Variants in SNX31 observed in about 807,000 individuals in gnomAD.
SNX31 encodes the protein sorting nexin-31.
A neutral mutation model predicts 65.4 loss-of-function variants in SNX31; 58 were observed. The observed-to-expected ratio is 0.89, with a 90% confidence interval of 0.72 to 1.10. SNX31 has a LOEUF of 1.10. SNX31 is among the 50% of genes least tolerant of loss of function. SNX31 has a pLI of 0.00. For missense variants in SNX31, 523 were observed against 529.7 expected, an observed-to-expected ratio of 0.99 and a Z score of 0.12; for synonymous variants, 181 against 190.1, an observed-to-expected ratio of 0.95 and a Z score of 0.39.
rs952222975 is a variant in SNX31, at chr8:100,576,842, C to A, written c.1227+177G>T. ...TTCTTGGTAGTGCTATGGGGTGCTA[C>A]AATAAAAATACTATACTTCTGTGAT... On this transcript the variant is annotated intron_variant, in intron 13 of 13. Coordinates refer to ENST00000311812, the MANE Select transcript of SNX31 (RefSeq NM_152628.4). The surrounding 1 kb of genome is among the most constrained non-coding windows in gnomAD (Gnocchi z 4.8). Among the ~76,000 whole-genome samples, 2 of 152,094 alleles carry A rather than the reference C, an allele frequency of 1.3e-5. No homozygotes were observed. The highest frequency in any genetic ancestry group is 2.9e-5 in the Non-Finnish European group (2 of 68,028).
rs1254792204 is a variant in SNX31, at chr8:100,613,728, G to A, written c.433-643C>T. ...AACAGCTTTCATTTCAACGCCAGTG[G>A]CTTCATTTTTACCATCAGCCTACCA... On this transcript the variant is annotated intron_variant, in intron 5 of 13. Coordinates refer to ENST00000311812, the MANE Select transcript of SNX31 (RefSeq NM_152628.4). This position sits in a 1 kb window ranked among gnomAD's most constrained non-coding sequence, Gnocchi z 5.2. Among the ~76,000 whole-genome samples the A allele has an allele frequency of 4.6e-5, 7 of 152,134 alleles. No homozygotes were observed. The highest frequency in any genetic ancestry group is 1.0e-4 in the Non-Finnish European group (7 of 68,026).
chr8:100,660,478 G>A lies in SNX31; in HGVS notation c.-58+2664C>T, dbSNP rs1587117171. On this transcript the variant is annotated intron_variant, in intron 1 of 5. Transcript: ENST00000520352. The surrounding 1 kb of genome is among the most constrained non-coding windows in gnomAD (Gnocchi z 4.1). The stretch of plus-strand genomic sequence containing the variant: ...TAAAGACAATGTTTTACCCATGCCC[G>A]CAGGCTCTTCAGAGTGATACTAAAT... 6.6e-6 allele frequency among the ~76,000 whole-genome samples: 1 copy of A among 152,140 alleles called. No individual in the cohort carries two copies.
chr8:100,602,139 T>C (rs974066210), intron 8 of SNX31, among the ~76,000 whole-genome samples: 7 of 152,240 alleles, frequency 4.6e-5, no homozygotes, highest in African/African-American at 1.4e-4. Context: ...CCCAGTGTCT[T>C]ACATATGGCA....
At chr8:100,586,194 T>G (rs1001284543) in intron 11 of SNX31, among the ~76,000 whole-genome samples, 4 of 152,202 alleles carry the variant, frequency 2.6e-5, no homozygotes, top group African/African-American at 9.7e-5. Flanking sequence ...TTGCTGGGAT[T>G]ACAGGCATGA....
Position 100,612,129 on chromosome 8 carries a change from C to G in SNX31, c.524-42G>C, listed in dbSNP as rs767668254. 3 of 1,319,946 alleles carry G rather than the reference C, an allele frequency of 2.3e-6. No homozygotes were observed. Among genetic ancestry groups the G allele is most frequent in the Non-Finnish European group, 3.3e-6 (3 of 914,724 alleles). The allele number at this position is 1,319,946 out of a possible 1,614,324, so 81.8% of individuals were successfully genotyped here. A position where few individuals can be genotyped will look rare whatever the true frequency, so the allele number is the denominator to read the frequency against. On this transcript the variant is annotated intron_variant, in intron 6 of 13. Coordinates refer to ENST00000311812, the MANE Select transcript of SNX31 (RefSeq NM_152628.4). The surrounding 1 kb of genome is among the most constrained non-coding windows in gnomAD (Gnocchi z 4.3). The stretch of plus-strand genomic sequence containing the variant: ...GCCGGTCTTACTGGTTGAAACAGCA[C>G]AGACAGCTTATATATAGCAGCTTTC...
chr8:100,654,755 G>A (rs1820030150), intron 1 of SNX31, among the ~76,000 whole-genome samples: 1 of 152,236 alleles, frequency 6.6e-6, no homozygotes, highest in African/African-American at 2.4e-5. Flanking sequence ...GCTCTCACCT[G>A]TAATCCCAGC....
chr8:100,615,831 G>A (rs1260190197), intron 5 of SNX31, among the ~76,000 whole-genome samples: 4 of 152,082 alleles, frequency 2.6e-5, no homozygotes, highest in East Asian at 1.9e-4. Context: ...GTGCAGTGGC[G>A]CGATCTCGGC....
At chr8:100,642,304 T>G (rs1819313496) in intron 2 of SNX31, among the ~76,000 whole-genome samples, 1 of 152,164 alleles carries the variant, frequency 6.6e-6, no homozygotes, top group South Asian at 2.1e-4. Flanking sequence ...GCTAACTGAT[T>G]AAGTGATCTT....
At position 100,630,400 on chromosome 8, in the gene SNX31, C is replaced by T. The variant is rs146848820; in HGVS notation, c.257-9G>A. 13 of 1,610,894 alleles carry T rather than the reference C, an allele frequency of 8.1e-6. No individual in the cohort carries two copies. The highest frequency in any genetic ancestry group is 1.3e-5 in the African/African-American group (1 of 74,774). ...GTTTGGGTCCATGGTTACTGAAAAA[C>T]ATGGACGGTGAGCCAGGTTAGCATG... On this transcript the variant is annotated splice_polypyrimidine_tract_variant and intron_variant, in intron 3 of 13. Transcript: ENST00000311812. This position sits in a 1 kb window ranked among gnomAD's most constrained non-coding sequence, Gnocchi z 5.3.
chr8:100,593,705 C>T (rs1437371614), intron 10 of SNX31, among the ~76,000 whole-genome samples: 5 of 151,938 alleles, frequency 3.3e-5, no homozygotes, highest in Non-Finnish European at 7.4e-5. Context: ...CTGCCCACCT[C>T]GGCCTCCCAA....
At chr8:100,587,688 G>T (rs1814174106) in intron 11 of SNX31, among the ~76,000 whole-genome samples, 1 of 152,148 alleles carries the variant, frequency 6.6e-6, no homozygotes, top group Admixed American at 6.5e-5. Flanking sequence ...CTTTCTGATG[G>T]CTCAATGTCC....
At chr8:100,636,633 T>C (rs983187061) in intron 2 of SNX31, among the ~76,000 whole-genome samples, 7 of 152,332 alleles carry the variant, frequency 4.6e-5, no homozygotes, top group Non-Finnish European at 7.3e-5. Flanking sequence ...AAATATATTA[T>C]TAAAATTAAT....
At position 100,648,915 on chromosome 8, in the gene SNX31, A is replaced by C. The variant is rs1051781725; in HGVS notation, c.141+359T>G. On this transcript the variant is annotated intron_variant, in intron 2 of 13. Transcript: ENST00000311812. The surrounding 1 kb of genome is among the most constrained non-coding windows in gnomAD (Gnocchi z 4.3). ...TCTAGACCCAGTTTCCAAATTTTGG[A>C]GGGAAGCATTGTCCTGGGGAACAGC... Among the ~76,000 whole-genome samples, 1 of 152,224 alleles carries C rather than the reference A, an allele frequency of 6.6e-6. No individual in the cohort carries two copies.
Position 100,625,750 on chromosome 8 carries a change from G to T in SNX31, c.321+4577C>A, listed in dbSNP as rs1818003432. Among the ~76,000 whole-genome samples the T allele has an allele frequency of 6.6e-6, 1 of 152,148 alleles. No homozygotes were observed. Among genetic ancestry groups the T allele is most frequent in the African/African-American group, 2.4e-5 (1 of 41,432 alleles). ...GCAGAACTCAAGCAACGCATAAGCT[G>T]CCTCAAAGCAGTTAATCACATGGTG... On this transcript the variant is annotated intron_variant, in intron 4 of 13. Coordinates refer to ENST00000311812, the MANE Select transcript of SNX31 (RefSeq NM_152628.4). The surrounding 1 kb of genome is among the most constrained non-coding windows in gnomAD (Gnocchi z 4.2).
chr8:100,583,299 G>T (rs1035073381), intron 12 of SNX31, among the ~76,000 whole-genome samples: 4 of 151,718 alleles, frequency 2.6e-5, no homozygotes, highest in African/African-American at 9.7e-5. Context: ...GGAGATGGGG[G>T]TTCACCATGT....
chr8:100,616,728 C>T (rs1817238689), intron 5 of SNX31, among the ~76,000 whole-genome samples: 1 of 152,088 alleles, frequency 6.6e-6, no homozygotes, highest in South Asian at 2.1e-4. Context: ...ATAAGAGAGA[C>T]TGGAGATACA....
chr8:100,613,057 C>T lies in SNX31; in HGVS notation c.461G>A (p.Arg154Gln), dbSNP rs150398818. The T allele has an allele frequency of 1.6e-3, 2,516 of 1,613,964 alleles. 43 individuals carry two copies. In the African/African-American group the frequency reaches 0.028, roughly 18 times the overall value. The change falls in exon 6 of 14, where the codon CGA (arginine) becomes CAA (glutamine). Residue 154 changes from arginine (R) to glutamine (Q), a missense_variant. Coordinates refer to ENST00000311812, the MANE Select transcript of SNX31 (RefSeq NM_152628.4). The surrounding 1 kb of genome is among the most constrained non-coding windows in gnomAD (Gnocchi z 5.2). ...GAGGCCGAAGTAGCCCAAGAGCTCT[C>T]GACACAGTCCAATTTTGTGTGACAC... Reference protein sequence around the residue: ...EVVSHKIGLCRELLGYFGLFL... With the variant: ...EVVSHKIGLCQELLGYFGLFL...
At chr8:100,607,703 A>T (rs1816300979) in intron 8 of SNX31, among the ~76,000 whole-genome samples, 1 of 152,242 alleles carries the variant, frequency 6.6e-6, no homozygotes, top group South Asian at 2.1e-4. Flanking sequence ...GAGGAAATAG[A>T]TACCTTATTT....
intron 4 of SNX31, chr8:100,618,890 G>C (rs956579670): frequency 6.5e-6 from 1 of 154,582 alleles, no homozygotes; most frequent in Admixed American, 6.4e-5. Flanking sequence ...TGCCGTTATG[G>C]AAGCTCCTCA....
Sources: allele counts gnomAD v4.1 joint callset (sites outside exome capture counted in the v4.1 genomes callset), GRCh38; gene constraint gnomAD v4.1.1; non-coding constraint Gnocchi (gnomAD v3.1); transcripts MANE v1.5; gene names NCBI Gene and HGNC (gene_info 2026-07-23, HGNC 2026-07-21).